RGMB: variants seen among roughly 807,000 people sequenced by gnomAD.
RGMB encodes the protein repulsive guidance molecule BMP co-receptor b, also known as repulsive guidance molecule B.
A neutral mutation model predicts 26.9 loss-of-function variants in RGMB; 16 were observed. The ratio of observed to expected loss-of-function variants is 0.60; its 90% CI spans 0.40 to 0.90. The LOEUF (loss-of-function observed/expected upper bound fraction) is 0.90. Ranked by LOEUF, RGMB falls within the 40% of genes least tolerant of loss-of-function variation. RGMB has a pLI of 0.00. For missense variants in RGMB, 512 were observed against 573.3 expected (o/e 0.89, Z 1.09); for synonymous variants, 225 against 229.3 (o/e 0.98, Z 0.17).
Position 98,779,729 on chromosome 5 carries a change from T to G in RGMB, c.286T>G (p.Ser96Ala), listed in dbSNP as rs2112350070. ...CTATGCTGGCTGCACCCAGCGAACT[T>G]CAAAAGCCTGCCGTGGCAACCTGGT... ...RAYAGCTQRT[S>A]KACRGNLVYH... The change falls in exon 2 of 3, where the codon TCA (serine) becomes GCA (alanine). Residue 96 changes from serine to alanine, a missense_variant. Coordinates refer to ENST00000513185, the MANE Select transcript of RGMB (RefSeq NM_001366508.1). The G allele has an allele frequency of 6.2e-7, 1 of 1,613,518 alleles. No homozygotes were observed. The highest frequency in any genetic ancestry group is 8.5e-7 in the Non-Finnish European group (1 of 1,179,480).
In RGMB at chr5:98,793,382, G is replaced by A. The variant is rs1157955974; in HGVS notation, c.943G>A (p.Gly315Ser). The part of the protein sequence containing the change: ...ESQDLQLCVN[G>S]CPLSERIDDG... The stretch of plus-strand genomic sequence containing the variant: ...CCAGGACCTGCAGCTGTGCGTGAAC[G>A]GCTGCCCCCTGAGTGAACGCATCGA... The change falls in exon 3 of 3, where the codon GGC becomes AGC. Residue 315 changes from glycine (G) to serine (S), a missense_variant. Coordinates refer to ENST00000513185, the MANE Select transcript of RGMB (RefSeq NM_001366508.1). 4.3e-6 allele frequency: 7 copies of A among 1,613,288 alleles called. No individual in the cohort carries two copies. Among genetic ancestry groups the A allele is most frequent in the Admixed American group, 1.7e-5 (1 of 59,924 alleles).
chr5:98,784,954 G>T (rs1746726873), intron 2 of RGMB, among the ~76,000 whole-genome samples: 1 of 152,170 alleles, frequency 6.6e-6, no homozygotes, highest in South Asian at 2.1e-4. Context: ...GTGATACATT[G>T]TAACTAATTC....
rs780120509 is a variant in RGMB at position 98,793,298 on chromosome 5, C to T, written c.859C>T (p.Arg287Cys). The T allele has an allele frequency of 3.1e-6, 5 of 1,613,670 alleles. No homozygotes were observed. Among genetic ancestry groups the T allele is most frequent in the African/African-American group, 1.3e-5 (1 of 74,932 alleles). Residue 287 changes from arginine to cysteine, a missense_variant, in exon 3 of 3, where the codon CGC becomes TGC. Coordinates refer to ENST00000513185, the MANE Select transcript of RGMB (RefSeq NM_001366508.1). ...CACAGTGTTTGTGCGGCAGGTGGGT[C>T]GCTACCTGACCCTTGCCATCCGTAT... Reference protein sequence around the residue: ...GTTVFVRQVGRYLTLAIRMPE... With the variant: ...GTTVFVRQVGCYLTLAIRMPE...
chr5:98,793,134 A>G lies in RGMB; in HGVS notation c.695A>G (p.Tyr232Cys), dbSNP rs1223099244. The change falls in exon 3 of 3, where the codon TAC (tyrosine) becomes TGC (cysteine). Residue 232 changes from tyrosine to cysteine, a missense_variant. Transcript: ENST00000513185. ...CATGAGTGTACAGATCAGAAAGTCT[A>G]CCAAGCTGTGACAGATGACCTGCCG... is the stretch of plus-strand genomic sequence containing the variant. ...AHHECTDQKV[Y>C]QAVTDDLPAA... 6.2e-7 allele frequency: 1 copy of G among 1,613,892 alleles called. No individual in the cohort carries two copies. Among genetic ancestry groups the G allele is most frequent in the Non-Finnish European group, 8.5e-7 (1 of 1,179,798 alleles).
chr5:98,771,318 TTTTG>T (rs575810958), upstream of RGMB: 375 of 152,354 alleles, frequency 2.5e-3, 1 homozygote, highest in Non-Finnish European at 4.2e-3. Flanking sequence ...TCACCGATTT[TTTTG>T]TTTGTGTTCT....
chr5:98,792,987 A>C (rs1746979702), intron 2 of RGMB, 98 bp from the exon 3 acceptor site: 1 of 938,228 alleles, frequency 1.1e-6, no homozygotes, highest in African/African-American at 1.7e-5. Context: ...GCCTTAAGCC[A>C]TTCAGCTTCA....
chr5:98,770,956 G>C (rs1746142757), upstream of RGMB: 1 of 360,658 alleles, frequency 2.8e-6, no homozygotes, highest in Non-Finnish European at 4.9e-6. Flanking sequence ...AAGCTTAGGT[G>C]ATCTGTTAAG....
At chr5:98,774,835 G>A (rs1484948146) in intron 1 of RGMB, among the ~76,000 whole-genome samples, 1 of 152,100 alleles carries the variant, frequency 6.6e-6, no homozygotes, top group Non-Finnish European at 1.5e-5. Context: ...GGGTGTCTTC[G>A]GGCTCCGTGA....
intron 1 of RGMB, among the ~76,000 whole-genome samples, chr5:98,775,432 C>A (rs917773162): frequency 6.6e-6 from 1 of 152,114 alleles, no homozygotes; most frequent in African/African-American, 2.4e-5. Flanking sequence ...AATTAGTAAC[C>A]TAAGAACCTT....
At chr5:98,783,352 C>T (rs998206857) in intron 2 of RGMB, among the ~76,000 whole-genome samples, 6 of 152,184 alleles carry the variant, frequency 3.9e-5, no homozygotes, top group East Asian at 1.9e-4. Flanking sequence ...CTGTGAGAGG[C>T]GGCTACAGGC....
rs779353710 is a variant in RGMB at position 98,794,642 on chromosome 5, A to G, written c.*889A>G. The G allele has an allele frequency of 3.3e-5, 5 of 152,202 alleles. No individual in the cohort carries two copies. The highest frequency in any genetic ancestry group is 5.9e-5 in the Non-Finnish European group (4 of 68,042). 9.4% of individuals were successfully genotyped at this position (152,202 alleles called of 1,614,324 possible). Reference sequence around the variant, plus strand: ...TATCATGCCTTGCTCTTTTTAATCTATATGACTGATGCAAGCCCCTCTTCT... The same window carrying G: ...TATCATGCCTTGCTCTTTTTAATCTGTATGACTGATGCAAGCCCCTCTTCT... On this transcript the variant is annotated 3_prime_UTR_variant, in exon 3 of 3. Coordinates refer to ENST00000513185, the MANE Select transcript of RGMB (RefSeq NM_001366508.1).
intron 1 of RGMB, among the ~76,000 whole-genome samples, chr5:98,778,380 A>C (rs568545112): frequency 6.6e-6 from 1 of 152,272 alleles, no homozygotes; most frequent in South Asian, 2.1e-4. Flanking sequence ...CCAGAATACA[A>C]ATCATAAGAT....
chr5:98,769,023 C>T (rs1746063801), upstream of RGMB, among the ~76,000 whole-genome samples: 1 of 152,186 alleles, frequency 6.6e-6, no homozygotes, highest in Non-Finnish European at 1.5e-5. Flanking sequence ...TCGGCTGGTG[C>T]CGCGGGTGGG....
At chr5:98,771,940 AG>A (rs1409210500), upstream of RGMB, among the ~76,000 whole-genome samples, 3 of 98,802 alleles carry the variant, frequency 3.0e-5, no homozygotes, top group Middle Eastern at 3.6e-3. Flanking sequence ...TTGGGTTAAG[AG>A]AAAAAAATGT....
At chr5:98,790,689 G>A (rs1580293947) in intron 2 of RGMB, among the ~76,000 whole-genome samples, 1 of 152,122 alleles carries the variant, frequency 6.6e-6, no homozygotes, top group East Asian at 1.9e-4. Context: ...TCTTTGCTTT[G>A]TTGGCCCAAC....
At chr5:98,784,829 G>C (rs1561443309) in intron 2 of RGMB, among the ~76,000 whole-genome samples, 1 of 152,128 alleles carries the variant, frequency 6.6e-6, no homozygotes, top group Non-Finnish European at 1.5e-5. Flanking sequence ...ATAGGTCTGT[G>C]TTTTGAATCT....
chr5:98,787,051 G>GTGTGCATGCACAGA (rs1746785957), intron 2 of RGMB, among the ~76,000 whole-genome samples: 1 of 152,180 alleles, frequency 6.6e-6, no homozygotes, highest in South Asian at 2.1e-4. Flanking sequence ...TAAGACATGT[G>GTGTGCATGCACAGA]TGTGCATGCA....
rs1029652523 is a variant in RGMB at position 98,793,846 on chromosome 5, G to T, written c.*93G>T. 1.1e-6 allele frequency: 1 copy of T among 934,042 alleles called. No homozygotes were observed. Among genetic ancestry groups the T allele is most frequent in the Non-Finnish European group, 1.6e-6 (1 of 640,674 alleles). 57.9% of individuals were successfully genotyped at this position (934,042 alleles called of 1,614,324 possible). A position where few individuals can be genotyped will look rare whatever the true frequency, so the allele number is the denominator to read the frequency against. On this transcript the variant is annotated 3_prime_UTR_variant, in exon 3 of 3. Coordinates refer to ENST00000513185, the MANE Select transcript of RGMB (RefSeq NM_001366508.1). ...ATATATTGAGTAAAAGAGTATATAT[G>T]TATATACCATGTATATGACAGGATG...
Position 98,794,463 on chromosome 5 carries a change from G to A in RGMB, c.*710G>A, listed in dbSNP as rs543548440. The A allele has an allele frequency of 2.0e-4, 30 of 152,282 alleles. No homozygotes were observed. Among genetic ancestry groups the A allele is most frequent in the African/African-American group, 5.8e-4 (24 of 41,576 alleles). 9.4% of individuals were successfully genotyped at this position (152,282 alleles called of 1,614,324 possible). A position where few individuals can be genotyped will look rare whatever the true frequency, so the allele number is the denominator to read the frequency against. On this transcript the variant is annotated 3_prime_UTR_variant, in exon 3 of 3. Coordinates refer to ENST00000513185, the MANE Select transcript of RGMB (RefSeq NM_001366508.1). Reference sequence around the variant, plus strand: ...TTGAACCATAGAAACTGCTATTCTCGTAGGTCAAAAGGGTCTAGTGATGGA... The same window carrying A: ...TTGAACCATAGAAACTGCTATTCTCATAGGTCAAAAGGGTCTAGTGATGGA...
Sources: gnomAD v4.1 joint callset for allele counts (sites outside exome capture counted in the v4.1 genomes callset) on GRCh38, gnomAD v4.1.1 for gene constraint, MANE v1.5 for transcripts, NCBI Gene and HGNC (gene_info 2026-07-23, HGNC 2026-07-21) for gene names.